Variants in ADAMTSL1 observed in about 807,000 individuals in gnomAD.
ADAMTSL1 encodes the protein ADAMTS like 1, also known as ADAMTS-like protein 1.
ADAMTSL1 carries 126 observed loss-of-function variants against 201.8 expected under a neutral mutation model. The ratio of observed to expected loss-of-function variants is 0.62; its 90% CI spans 0.54 to 0.72. ADAMTSL1 has a LOEUF of 0.72. Among genes scored for constraint, ADAMTSL1 ranks in the 30% least tolerant of loss-of-function variants. ADAMTSL1 has a pLI of 0.00. For missense variants in ADAMTSL1, 2,679 were observed against 2,277.8 expected, an observed-to-expected ratio of 1.18 and a Z score of -3.59; for synonymous variants, 1,121 against 903.4, an observed-to-expected ratio of 1.24 and a Z score of -4.32.
chr9:18,110,756 A>G lies in ADAMTSL1; in HGVS notation c.88-53106A>G, dbSNP rs115676288. On this transcript the variant is annotated intron_variant, in intron 1 of 29. Transcript: ENST00000680146. ...AGATTTAATGAAAGGTTCTTAGCAA[A>G]GGCTCAGGGCCAGTTTCTCTTTTGA... Among the ~76,000 whole-genome samples, 509 of 152,290 alleles carry G rather than the reference A, an allele frequency of 3.3e-3. 3 individuals are homozygous for G. The highest frequency in any genetic ancestry group is 0.011 in the African/African-American group (461 of 41,574).
intron 5 of ADAMTSL1, among the ~76,000 whole-genome samples, chr9:18,633,883 G>A (rs1272048494): frequency 1.3e-5 from 2 of 151,528 alleles, no homozygotes; most frequent in Non-Finnish European, 2.9e-5. Context: ...TGTGCTAGGG[G>A]CCTTGGAGAG....
At chr9:17,982,989 AT>A (rs1818772455) in intron 1 of ADAMTSL1, among the ~76,000 whole-genome samples, 1 of 148,422 alleles carries the variant, frequency 6.7e-6, no homozygotes, top group African/African-American at 2.5e-5. Context: ...AGTTGGTTAG[AT>A]TGGGGCTAGG....
intron 9 of ADAMTSL1, among the ~76,000 whole-genome samples, chr9:18,670,142 C>T (rs551843119): frequency 1.3e-5 from 2 of 152,132 alleles, no homozygotes; most frequent in Admixed American, 6.5e-5. Flanking sequence ...CTACTACACA[C>T]AATTTTGTTC....
chr9:18,067,776 G>A (rs1011053276), intron 1 of ADAMTSL1, among the ~76,000 whole-genome samples: 3 of 152,144 alleles, frequency 2.0e-5, no homozygotes, highest in Non-Finnish European at 4.4e-5. Flanking sequence ...ATCTATGGAG[G>A]AAGGCTAAAG....
intron 2 of ADAMTSL1, among the ~76,000 whole-genome samples, chr9:18,180,309 G>A (rs1000090395): frequency 4.0e-4 from 61 of 152,154 alleles, no homozygotes; most frequent in African/African-American, 1.4e-3. Flanking sequence ...TGAGGCGGGC[G>A]GATCACGAGG....
At chr9:17,928,847 A>C (rs559711950) in intron 1 of ADAMTSL1, among the ~76,000 whole-genome samples, 3 of 152,242 alleles carry the variant, frequency 2.0e-5, no homozygotes, top group African/African-American at 7.2e-5. Context: ...AACTAATTGC[A>C]CACATGGCAT....
intron 2 of ADAMTSL1, among the ~76,000 whole-genome samples, chr9:18,232,937 G>A (rs1830699129): frequency 6.6e-6 from 1 of 152,112 alleles, no homozygotes; most frequent in African/African-American, 2.4e-5. Context: ...TAGCATGCAG[G>A]CTAGACTAGA....
intron 1 of ADAMTSL1, among the ~76,000 whole-genome samples, chr9:18,138,631 C>A (rs1826260944): frequency 6.6e-6 from 1 of 152,044 alleles, no homozygotes; most frequent in African/African-American, 2.4e-5. Flanking sequence ...TGTGACTGTT[C>A]TAAATTTACC....
chr9:18,621,486 G>A (rs1341823997), intron 4 of ADAMTSL1, among the ~76,000 whole-genome samples: 1 of 151,634 alleles, frequency 6.6e-6, no homozygotes, highest in Non-Finnish European at 1.5e-5. Flanking sequence ...CCTGATACAG[G>A]ACAGGGTAAG....
chr9:18,184,394 A>G (rs1324564562), intron 2 of ADAMTSL1, among the ~76,000 whole-genome samples: 2 of 152,206 alleles, frequency 1.3e-5, no homozygotes, highest in African/African-American at 4.8e-5. Context: ...AGGATTATTC[A>G]AGTATTTCCT....
chr9:18,520,506 C>G (rs897337274), intron 2 of ADAMTSL1, among the ~76,000 whole-genome samples: 1 of 152,212 alleles, frequency 6.6e-6, no homozygotes, highest in Non-Finnish European at 1.5e-5. Context: ...AAGTCTAGTT[C>G]ACAAGTTACA....
intron 1 of ADAMTSL1, among the ~76,000 whole-genome samples, chr9:17,963,904 G>A (rs913718887): frequency 2.0e-5 from 3 of 152,070 alleles, no homozygotes; most frequent in Admixed American, 6.6e-5. Context: ...TCGTCCTGCT[G>A]GCTCTCACTT....
intron 2 of ADAMTSL1, among the ~76,000 whole-genome samples, chr9:18,197,131 C>T (rs1006452661): frequency 4.6e-5 from 7 of 152,096 alleles, no homozygotes; most frequent in African/African-American, 1.7e-4. Context: ...AGAGTAATGA[C>T]TGAGTAAGCA....
intron 1 of ADAMTSL1, among the ~76,000 whole-genome samples, chr9:17,954,692 T>C (rs796154210): frequency 2.0e-5 from 3 of 152,102 alleles, no homozygotes; most frequent in African/African-American, 7.2e-5. Context: ...TATAAGGTAG[T>C]TTGAGCCAGA....
chr9:18,528,838 C>T (rs1408936863), intron 2 of ADAMTSL1, among the ~76,000 whole-genome samples: 2 of 152,098 alleles, frequency 1.3e-5, no homozygotes, highest in Non-Finnish European at 2.9e-5. Flanking sequence ...TTTAAATCCT[C>T]TCTTATCATT....
At chr9:18,724,578 C>G (rs947492348) in intron 15 of ADAMTSL1, among the ~76,000 whole-genome samples, 34 of 152,304 alleles carry the variant, frequency 2.2e-4, no homozygotes, top group African/African-American at 7.5e-4. Flanking sequence ...TAGTCATTTT[C>G]TGTTAGAAGA....
intron 2 of ADAMTSL1, among the ~76,000 whole-genome samples, chr9:18,384,749 C>T (rs926215795): frequency 6.6e-6 from 1 of 152,118 alleles, no homozygotes; most frequent in African/African-American, 2.4e-5. Context: ...GACATTCCTC[C>T]TCCACTCGTC....
At chr9:18,560,384 T>C (rs1166293143) in intron 3 of ADAMTSL1, among the ~76,000 whole-genome samples, 3 of 152,214 alleles carry the variant, frequency 2.0e-5, no homozygotes, top group African/African-American at 7.2e-5. Context: ...GATAAGCTTT[T>C]TGATGTGCTA....
intron 1 of ADAMTSL1, among the ~76,000 whole-genome samples, chr9:18,072,721 AG>A (rs1481152792): frequency 6.6e-6 from 1 of 152,192 alleles, no homozygotes; most frequent in African/African-American, 2.4e-5. Context: ...GCATTTTTGT[AG>A]GGCCCACTTC....
Sources: gnomAD v4.1 joint callset for allele counts (sites outside exome capture counted in the v4.1 genomes callset) on GRCh38, gnomAD v4.1.1 for gene constraint, MANE v1.5 for transcripts, NCBI Gene and HGNC (gene_info 2026-07-23, HGNC 2026-07-21) for gene names.